The following SRGAP3 variants were observed in gnomAD, a reference collection of about 807,000 sequenced individuals.
SRGAP3 encodes SLIT-ROBO Rho GTPase-activating protein 3.
In SRGAP3, 39 loss-of-function variants were observed where a neutral mutation model predicts 121.1. That is an observed-to-expected ratio of 0.32 (90% CI 0.25 to 0.42). The LOEUF (loss-of-function observed/expected upper bound fraction) is 0.42. SRGAP3 is among the 10% of genes least tolerant of loss of function. The pLI, the probability that SRGAP3 is intolerant of heterozygous loss-of-function variation, is 1.00. For synonymous variants in SRGAP3, 601 were observed against 570.0 expected (o/e 1.05, Z -0.77); for missense variants, 1,213 against 1,470.6 (o/e 0.82, Z 2.86).
At chr3:9,345,785 C>CAAAAAAAAAAAAAAAA (rs34225108) in intron 1 of SRGAP3, among the ~76,000 whole-genome samples, 4 of 65,212 alleles carry the variant, frequency 6.1e-5, no homozygotes, top group Non-Finnish European at 9.9e-5. Context: ...GACTCCAACT[C>CAAAAAAAAAAAAAAAA]AAAAAAAAAA....
chr3:9,117,304 C>G (rs1405342155), intron 2 of SRGAP3, among the ~76,000 whole-genome samples: 1 of 152,216 alleles, frequency 6.6e-6, no homozygotes, highest in Non-Finnish European at 1.5e-5. Flanking sequence ...ATTATAGCAT[C>G]TCTTTAGAGA....
At chr3:9,122,769 G>A (rs1949063761) in intron 2 of SRGAP3, among the ~76,000 whole-genome samples, 1 of 151,366 alleles carries the variant, frequency 6.6e-6, no homozygotes, top group African/African-American at 2.4e-5. Context: ...ATTTGCAAAT[G>A]TGTAATGCAC....
In SRGAP3 at chr3:9,006,090, T is replaced by C. The variant is rs545140704; in HGVS notation, c.2227+4218A>G. Among the ~76,000 whole-genome samples, 6 of 83,546 alleles carry C rather than the reference T, an allele frequency of 7.2e-5. No homozygotes were observed. The South Asian group carries it at 3.3e-3, about 46-fold the overall frequency. 54.8% of individuals were successfully genotyped at this position (83,546 alleles called of 152,430 possible). A position where few individuals can be genotyped will look rare whatever the true frequency, so the allele number is the denominator to read the frequency against. Reference sequence around the variant, plus strand: ...AATTGGCCACTGTTCTTTTTTTCTATTGTTCTTAATTTCTTATGAAAAGGA... The same window carrying C: ...AATTGGCCACTGTTCTTTTTTTCTACTGTTCTTAATTTCTTATGAAAAGGA... On this transcript the variant is annotated intron_variant, in intron 18 of 21. Coordinates refer to ENST00000383836, the MANE Select transcript of SRGAP3 (RefSeq NM_014850.4).
Position 9,015,711 on chromosome 3 carries a change from C to G in SRGAP3, c.1699G>C (p.Asp567His). 3 of 1,614,104 alleles carry G rather than the reference C, an allele frequency of 1.9e-6. No homozygotes were observed. The highest frequency in any genetic ancestry group is 2.5e-6 in the Non-Finnish European group (3 of 1,180,032). The change falls in exon 15 of 22, where the codon GAT (aspartate) becomes CAT (histidine). Residue 567 changes from aspartate to histidine, a missense_variant. Transcript: ENST00000383836. ...GAATTGATATCTCGTTCATTTTGAT[C>G]GTCCACAAGGGGGTCTTCACCTGAG... ...FERGEDPLVD[D>H]QNERDINSVA...
chr3:9,302,722 G>C (rs1488509065), intron 3 of SRGAP3, among the ~76,000 whole-genome samples: 1 of 152,202 alleles, frequency 6.6e-6, no homozygotes, highest in African/African-American at 2.4e-5. Flanking sequence ...CTGCCGCGGG[G>C]TGGGTCTTGG....
At chr3:9,011,925 C>A (rs1311489539) in intron 17 of SRGAP3, among the ~76,000 whole-genome samples, 3 of 152,158 alleles carry the variant, frequency 2.0e-5, no homozygotes, top group African/African-American at 7.2e-5. Context: ...GATAAGTACA[C>A]GAAGATCTGT....
At position 8,982,860 on chromosome 3, in the gene SRGAP3, C is replaced by T. The variant is rs564967814; in HGVS notation, c.*2659G>A. 1.4e-3 allele frequency: 312 copies of T among 223,262 alleles called. 3 individuals are homozygous for T. The highest frequency in any genetic ancestry group is 6.2e-3 in the African/African-American group (275 of 44,242). 13.8% of individuals were successfully genotyped at this position (223,262 alleles called of 1,614,324 possible). On this transcript the variant is annotated 3_prime_UTR_variant, in exon 22 of 22. Transcript: ENST00000383836. ...CCAATGGAAAAAAAAAAAAAAGGTG[C>T]TTAAAGAAAACAGCTAAGACTCTGC...
chr3:9,352,553 C>T (rs1313580498), intron 1 of SRGAP3, among the ~76,000 whole-genome samples: 1 of 152,168 alleles, frequency 6.6e-6, no homozygotes, highest in Non-Finnish European at 1.5e-5. Flanking sequence ...GGATTACTGG[C>T]GTGAGCCACC....
chr3:9,214,260 C>T (rs1952543750), intron 1 of SRGAP3, among the ~76,000 whole-genome samples: 1 of 151,940 alleles, frequency 6.6e-6, no homozygotes, highest in African/African-American at 2.4e-5. Flanking sequence ...ATTGCAAGAC[C>T]CTTAACAGTT....
intron 3 of SRGAP3, among the ~76,000 whole-genome samples, chr3:9,315,390 T>C (rs752064688): frequency 2.4e-4 from 36 of 152,164 alleles, no homozygotes; most frequent in Middle Eastern, 3.2e-3. Flanking sequence ...TTCCCCATCC[T>C]GGGAAGAGGA....
At chr3:9,116,965 G>A (rs1271513808) in intron 2 of SRGAP3, among the ~76,000 whole-genome samples, 1 of 152,200 alleles carries the variant, frequency 6.6e-6, no homozygotes, top group Non-Finnish European at 1.5e-5. Context: ...TTGGTCCACG[G>A]TGATGTGGAT....
At chr3:9,253,805 T>C (rs1416455546), upstream of SRGAP3, among the ~76,000 whole-genome samples, 1 of 152,232 alleles carries the variant, frequency 6.6e-6, no homozygotes, top group Non-Finnish European at 1.5e-5. Flanking sequence ...TTCATATCAT[T>C]TGTCGTATGT....
intron 1 of SRGAP3, among the ~76,000 whole-genome samples, chr3:9,172,509 AC>A (rs1355601017): frequency 6.6e-6 from 1 of 152,194 alleles, no homozygotes; most frequent in East Asian, 1.9e-4. Flanking sequence ...GTTGGGGGAC[AC>A]AATCCAATCC....
intron 3 of SRGAP3, among the ~76,000 whole-genome samples, chr3:9,311,363 C>T (rs535204732): frequency 2.0e-5 from 3 of 152,182 alleles, no homozygotes; most frequent in African/African-American, 7.2e-5. Flanking sequence ...AAAGTGCACA[C>T]TCATAAAATA....
At chr3:9,132,897 A>G (rs1378606352) in intron 1 of SRGAP3, among the ~76,000 whole-genome samples, 1 of 130,254 alleles carries the variant, frequency 7.7e-6, no homozygotes, top group African/African-American at 2.5e-5. Flanking sequence ...AAGGGTATAT[A>G]AAGTTTTACT....
At chr3:9,079,281 G>T (rs1357896442) in intron 4 of SRGAP3, among the ~76,000 whole-genome samples, 1 of 152,062 alleles carries the variant, frequency 6.6e-6, no homozygotes, top group Admixed American at 6.5e-5. Context: ...TCTACCTGCT[G>T]GGTCTACCCA....
chr3:9,339,009 A>C (rs1955737162), intron 1 of SRGAP3, among the ~76,000 whole-genome samples: 1 of 152,216 alleles, frequency 6.6e-6, no homozygotes, highest in Non-Finnish European at 1.5e-5. Flanking sequence ...ACTGTCAATC[A>C]ATTCTGCAGG....
chr3:9,278,593 T>C (rs897508382), intron 3 of SRGAP3, among the ~76,000 whole-genome samples: 1 of 152,240 alleles, frequency 6.6e-6, no homozygotes, highest in African/African-American at 2.4e-5. Flanking sequence ...CTTTGTGTCT[T>C]GTGAAATGTG....
rs1941420600 is a variant in SRGAP3 at position 8,981,677 on chromosome 3, C to G, written c.*3842G>C. ...AAGGCCCCTTCCCACACTGGTTCCT[C>G]TTTGTGTACCACAAACCGGTTTTAA... On this transcript the variant is annotated 3_prime_UTR_variant, in exon 22 of 22. Transcript: ENST00000383836. The G allele has an allele frequency of 4.3e-6, 1 of 232,130 alleles. No individual in the cohort carries two copies. Among genetic ancestry groups the G allele is most frequent in the African/African-American group, 2.2e-5 (1 of 45,352 alleles). The allele number at this position is 232,130 out of a possible 1,614,324, so 14.4% of individuals were successfully genotyped here. A position where few individuals can be genotyped will look rare whatever the true frequency, so the allele number is the denominator to read the frequency against.
Sources: allele counts gnomAD v4.1 joint callset (sites outside exome capture counted in the v4.1 genomes callset), GRCh38; gene constraint gnomAD v4.1.1; transcripts MANE v1.5; gene names NCBI Gene and HGNC (gene_info 2026-07-23, HGNC 2026-07-21).